Variants in HS3ST1 observed in about 807,000 individuals in gnomAD.
HS3ST1 encodes heparan sulfate-glucosamine 3-sulfotransferase 1.
In HS3ST1, 8 loss-of-function variants were observed where a neutral mutation model predicts 20.7. That is an observed-to-expected ratio of 0.39 (90% CI 0.23 to 0.70). The LOEUF (loss-of-function observed/expected upper bound fraction) is 0.70, where lower values mean the gene tolerates loss of function less well. Ranked by LOEUF, HS3ST1 falls within the 30% of genes least tolerant of loss-of-function variation. The pLI, the probability that HS3ST1 is intolerant of heterozygous loss-of-function variation, is 0.46. For missense variants in HS3ST1, 436 were observed against 423.4 expected (o/e 1.03, Z -0.26); for synonymous variants, 205 against 190.4 (o/e 1.08, Z -0.63).
In HS3ST1 at chr4:11,395,473, C is replaced by CTTTTTTTTTTTTTTTTTTTTTTTTTTT. The variant is rs34905764; in HGVS notation, c.*3608_*3609insAAAAAAAAAAAAAAAAAAAAAAAAAAA. 5 of 76,114 alleles carry CTTTTTTTTTTTTTTTTTTTTTTTTTTT rather than the reference C, an allele frequency of 6.6e-5. No individual in the cohort carries two copies. Among genetic ancestry groups the CTTTTTTTTTTTTTTTTTTTTTTTTTTT allele is most frequent in the African/African-American group, 2.2e-4 (4 of 18,014 alleles). 4.7% of individuals were successfully genotyped at this position (76,114 alleles called of 1,614,324 possible). A position where few individuals can be genotyped will look rare whatever the true frequency, so the allele number is the denominator to read the frequency against. On this transcript the variant is annotated 3_prime_UTR_variant, in exon 2 of 2. Coordinates refer to ENST00000002596, the MANE Select transcript of HS3ST1 (RefSeq NM_005114.4). Reference sequence around the variant, plus strand: ...TTTTATTTTTTTATTATTAATTTATCTTTTTTTTTTTTTTTTTTTTTTGAG... The same window carrying CTTTTTTTTTTTTTTTTTTTTTTTTTTT: ...TTTTATTTTTTTATTATTAATTTATCTTTTTTTTTTTTTTTTTTTTTTTTTTTTTTTTTTTTTTTTTTTTTTTTTGAG...
upstream of HS3ST1, among the ~76,000 whole-genome samples, chr4:11,432,638 A>G (rs1018749733): frequency 1.3e-5 from 2 of 152,234 alleles, no homozygotes; most frequent in Non-Finnish European, 2.9e-5. Context: ...TTTGAAAGAT[A>G]ATTTTCACTC....
At chr4:11,405,071 G>A (rs1718428890) in intron 1 of HS3ST1, among the ~76,000 whole-genome samples, 1 of 152,160 alleles carries the variant, frequency 6.6e-6, no homozygotes, top group African/African-American at 2.4e-5. Flanking sequence ...AATGAACTTG[G>A]CTCTACTTCT....
chr4:11,418,364 A>G (rs1718840450), intron 1 of HS3ST1, among the ~76,000 whole-genome samples: 1 of 152,236 alleles, frequency 6.6e-6, no homozygotes, highest in South Asian at 2.1e-4. Context: ...AGGCTCTCTA[A>G]TGGGTGCTTT....
chr4:11,402,103 T>C (rs9992896), intron 1 of HS3ST1, among the ~76,000 whole-genome samples: 5,703 of 152,322 alleles, frequency 0.037, 393 homozygotes, highest in African/African-American at 0.13. Context: ...ATTTACTTCA[T>C]TAGTTTAAAA....
At chr4:11,400,181 A>G in intron 1 of HS3ST1, 68 bp from the exon 2 acceptor site, 1 of 1,336,326 alleles carries the variant, frequency 7.5e-7, no homozygotes. Flanking sequence ...ACAACTCTGT[A>G]GCCACTCTGT....
Position 11,397,772 on chromosome 4 carries a change from G to T in HS3ST1, c.*1310C>A, listed in dbSNP as rs1218207819. 6.6e-6 allele frequency: 1 copy of T among 152,158 alleles called. No homozygotes were observed. Among genetic ancestry groups the T allele is most frequent in the East Asian group, 1.9e-4 (1 of 5,200 alleles). The allele number at this position is 152,158 out of a possible 1,614,324, so 9.4% of individuals were successfully genotyped here. A position where few individuals can be genotyped will look rare whatever the true frequency, so the allele number is the denominator to read the frequency against. Reference sequence around the variant, plus strand: ...TAACGTCCATTTCTGTCATTTTCCTGCGGTATAAACCATGTCAGGAAGCCG... The same window carrying T: ...TAACGTCCATTTCTGTCATTTTCCTTCGGTATAAACCATGTCAGGAAGCCG... On this transcript the variant is annotated 3_prime_UTR_variant, in exon 2 of 2. Transcript: ENST00000002596.
At chr4:11,420,297 A>G (rs1207978476) in intron 1 of HS3ST1, among the ~76,000 whole-genome samples, 2 of 152,246 alleles carry the variant, frequency 1.3e-5, no homozygotes, top group East Asian at 1.9e-4. Context: ...TGGAAATGCA[A>G]CATTTTCACA....
chr4:11,424,781 G>C (rs952944874), intron 1 of HS3ST1, among the ~76,000 whole-genome samples: 1 of 151,872 alleles, frequency 6.6e-6, no homozygotes, highest in African/African-American at 2.4e-5. Context: ...CAAGATTCCA[G>C]GCCCCAGGTG....
intron 1 of HS3ST1, among the ~76,000 whole-genome samples, chr4:11,426,365 C>CCT (rs1719059117): frequency 7.1e-6 from 1 of 141,406 alleles, no homozygotes; most frequent in Non-Finnish European, 1.6e-5. Context: ...CTTCAGAGGC[C>CCT]CCCCCCCCAA....
chr4:11,400,143 T>A (rs73815976), intron 1 of HS3ST1, 30 bp from the exon 2 acceptor site: 1 of 1,416,432 alleles, frequency 7.1e-7, no homozygotes, highest in African/African-American at 1.4e-5. Flanking sequence ...GATATTAACA[T>A]ATAACAAATA....
At chr4:11,432,701 G>T (rs190700949), upstream of HS3ST1, among the ~76,000 whole-genome samples, 1 of 152,144 alleles carries the variant, frequency 6.6e-6, no homozygotes, top group Admixed American at 6.5e-5. Context: ...TGATATCCTC[G>T]AATAACTCCA....
chr4:11,394,825 T>C lies in HS3ST1; in HGVS notation c.*4257A>G, dbSNP rs1718092339. The C allele has an allele frequency of 6.6e-6, 1 of 152,232 alleles. No homozygotes were observed. Among genetic ancestry groups the C allele is most frequent in the Admixed American group, 6.5e-5 (1 of 15,290 alleles). 9.4% of individuals were successfully genotyped at this position (152,232 alleles called of 1,614,324 possible). ...TGAGTTTATTTTTCTGTAAAATTAGTAGCCCATTTTCTACTTCCTAGGGTT... is the reference window on the plus strand; with the variant it reads ...TGAGTTTATTTTTCTGTAAAATTAGCAGCCCATTTTCTACTTCCTAGGGTT... On this transcript the variant is annotated 3_prime_UTR_variant, in exon 2 of 2. Transcript: ENST00000002596.
intron 1 of HS3ST1, among the ~76,000 whole-genome samples, chr4:11,406,260 A>G (rs1340659356): frequency 6.6e-6 from 1 of 152,220 alleles, no homozygotes; most frequent in Non-Finnish European, 1.5e-5. Flanking sequence ...TTTAAGCAAT[A>G]AAAAGGTGGT....
rs1182498022 is a variant in HS3ST1 at position 11,399,292 on chromosome 4, C to T, written c.714G>A (p.Ser238=). 1.2e-6 allele frequency: 2 copies of T among 1,613,990 alleles called. No individual in the cohort carries two copies. Among genetic ancestry groups the T allele is most frequent in the East Asian group, 2.2e-5 (1 of 44,882 alleles). Residue 238 remains serine (S), a synonymous_variant, in exon 2 of 2, where the codon TCG becomes TCA. Coordinates refer to ENST00000002596, the MANE Select transcript of HS3ST1 (RefSeq NM_005114.4). This position sits in a 1 kb window ranked among gnomAD's most constrained non-coding sequence, Gnocchi z 5.1. ...IQKVERFLKL[S]PQINASNFYF... is the part of the protein sequence containing the mutation. ...AGAAGTTCGAAGCATTGATCTGCGG[C>T]GACAGCTTTAGGAACCTCTCGACCT...
chr4:11,404,083 C>T (rs938209716), intron 1 of HS3ST1, among the ~76,000 whole-genome samples: 5 of 152,138 alleles, frequency 3.3e-5, no homozygotes, highest in African/African-American at 9.7e-5. Context: ...CTTCCTCTGT[C>T]GCCCAGGCTG....
At chr4:11,410,402 G>T (rs1423115311) in intron 1 of HS3ST1, among the ~76,000 whole-genome samples, 3 of 152,166 alleles carry the variant, frequency 2.0e-5, no homozygotes, top group Admixed American at 2.0e-4. Flanking sequence ...AGAAAACTTG[G>T]CCATTGCTCA....
intron 1 of HS3ST1, among the ~76,000 whole-genome samples, chr4:11,409,313 C>A (rs1280267775): frequency 1.3e-5 from 2 of 152,066 alleles, no homozygotes; most frequent in African/African-American, 4.8e-5. Context: ...TTTCTTGAGC[C>A]AGGTTGTTAT....
chr4:11,424,392 G>C (rs1158365054), intron 1 of HS3ST1, among the ~76,000 whole-genome samples: 1 of 152,116 alleles, frequency 6.6e-6, no homozygotes, highest in Non-Finnish European at 1.5e-5. Flanking sequence ...TTATTCTAAC[G>C]ATCTGAAAAA....
At chr4:11,425,094 G>A (rs997873758) in intron 1 of HS3ST1, among the ~76,000 whole-genome samples, 1 of 152,148 alleles carries the variant, frequency 6.6e-6, no homozygotes. Flanking sequence ...AAATAGAAAT[G>A]ACGCCATCTG....
Sources: gnomAD v4.1 joint callset for allele counts (sites outside exome capture counted in the v4.1 genomes callset) on GRCh38, gnomAD v4.1.1 for gene constraint, Gnocchi (gnomAD v3.1) non-coding constraint, MANE v1.5 for transcripts, NCBI Gene and HGNC (gene_info 2026-07-23, HGNC 2026-07-21) for gene names.